Variants in GABRB1 observed in about 807,000 individuals in gnomAD.
GABRB1 encodes the protein gamma-aminobutyric acid type A receptor subunit beta1.
GABRB1 carries 17 observed loss-of-function variants against 51.6 expected under a neutral mutation model. The ratio of observed to expected loss-of-function variants is 0.33; its 90% CI spans 0.23 to 0.49. The LOEUF is 0.49. GABRB1 is among the 20% of genes least tolerant of loss of function. The probability of loss-of-function intolerance (pLI) is 0.99; values close to 1 mark genes in which losing one functional copy is unlikely to be tolerated. For synonymous variants in GABRB1, 247 were observed against 218.9 expected (o/e 1.13, Z -1.14); for missense variants, 410 against 600.6 (o/e 0.68, Z 3.32).
chr4:47,121,689 A>G (rs190786470), intron 3 of GABRB1, among the ~76,000 whole-genome samples: 1 of 152,310 alleles, frequency 6.6e-6, no homozygotes, highest in East Asian at 1.9e-4. Context: ...TCAATATGGG[A>G]AAGGAATCCA....
chr4:47,030,996 C>T (rs756369370), upstream of GABRB1, among the ~76,000 whole-genome samples: 14 of 152,124 alleles, frequency 9.2e-5, no homozygotes, highest in Non-Finnish European at 1.9e-4. Flanking sequence ...CCTACTCTGC[C>T]TCCTACAGAA....
intron 5 of GABRB1, among the ~76,000 whole-genome samples, chr4:47,365,872 G>C (rs1726963750): frequency 6.6e-6 from 1 of 152,066 alleles, no homozygotes; most frequent in Non-Finnish European, 1.5e-5. Context: ...GTGGTGACTG[G>C]CTCCCTAGCT....
intron 3 of GABRB1, among the ~76,000 whole-genome samples, chr4:47,110,633 T>C (rs1193603021): frequency 6.6e-6 from 1 of 152,174 alleles, no homozygotes; most frequent in Non-Finnish European, 1.5e-5. Context: ...AACATTTTTA[T>C]TCATGGTAAA....
chr4:47,149,925 A>T (rs990079781), intron 3 of GABRB1, among the ~76,000 whole-genome samples: 8 of 151,984 alleles, frequency 5.3e-5, no homozygotes, highest in Non-Finnish European at 1.2e-4. Context: ...ACAGATGCTC[A>T]ATGAGTTCGA....
chr4:47,053,285 A>G (rs990743640), intron 3 of GABRB1, among the ~76,000 whole-genome samples: 1 of 152,092 alleles, frequency 6.6e-6, no homozygotes, highest in East Asian at 1.9e-4. Context: ...ACAAAAATTT[A>G]TTTTTTTCAC....
chr4:47,390,332 C>G (rs1380094988), intron 5 of GABRB1, among the ~76,000 whole-genome samples: 1 of 152,156 alleles, frequency 6.6e-6, no homozygotes, highest in Admixed American at 6.5e-5. Flanking sequence ...TTATTTCTGC[C>G]CACCCATGGA....
chr4:47,404,518 C>CAA (rs1728503769), intron 7 of GABRB1, among the ~76,000 whole-genome samples: 1 of 139,138 alleles, frequency 7.2e-6, no homozygotes, highest in Non-Finnish European at 1.6e-5. Flanking sequence ...CACACACACA[C>CAA]ACACACACAC....
intron 3 of GABRB1, among the ~76,000 whole-genome samples, chr4:47,062,902 C>T (rs1726900630): frequency 6.6e-6 from 1 of 152,162 alleles, no homozygotes; most frequent in African/African-American, 2.4e-5. Flanking sequence ...AAAACCAAGC[C>T]ATACTATCCC....
At chr4:47,137,248 A>G (rs1028363987) in intron 3 of GABRB1, among the ~76,000 whole-genome samples, 3 of 152,044 alleles carry the variant, frequency 2.0e-5, no homozygotes, top group Admixed American at 1.3e-4. Flanking sequence ...TAGAAGAAGG[A>G]ACAGTAGGAA....
chr4:47,177,553 A>G (rs1560572678), intron 4 of GABRB1, among the ~76,000 whole-genome samples: 1 of 152,206 alleles, frequency 6.6e-6, no homozygotes, highest in Admixed American at 6.5e-5. Flanking sequence ...TGTTCACTCT[A>G]AAGAAATTTT....
chr4:47,315,514 G>A (rs1478856598), intron 4 of GABRB1, among the ~76,000 whole-genome samples: 7 of 151,936 alleles, frequency 4.6e-5, no homozygotes, highest in Non-Finnish European at 8.8e-5. Context: ...ATTTGACTCA[G>A]CAATTCCCTT....
chr4:47,366,751 A>T (rs1002409880), intron 5 of GABRB1, among the ~76,000 whole-genome samples: 2 of 152,108 alleles, frequency 1.3e-5, no homozygotes, highest in Non-Finnish European at 2.9e-5. Flanking sequence ...GACATTCGTA[A>T]TTTTCCTCCA....
At chr4:47,046,271 T>G (rs900769438) in intron 3 of GABRB1, among the ~76,000 whole-genome samples, 6 of 152,042 alleles carry the variant, frequency 3.9e-5, no homozygotes, top group Non-Finnish European at 8.8e-5. Flanking sequence ...ATACAGTGCT[T>G]CATATGTAAA....
At chr4:47,147,034 T>C (rs1275453552) in intron 3 of GABRB1, among the ~76,000 whole-genome samples, 2 of 151,978 alleles carry the variant, frequency 1.3e-5, no homozygotes, top group East Asian at 1.9e-4. Flanking sequence ...AACATATACC[T>C]ACCCTAGAGA....
chr4:47,218,287 G>A (rs1720633279), intron 4 of GABRB1, among the ~76,000 whole-genome samples: 1 of 151,832 alleles, frequency 6.6e-6, no homozygotes, highest in Admixed American at 6.6e-5. Flanking sequence ...GAACAGAACT[G>A]CAATGAACAT....
chr4:47,105,202 T>G (rs1714909967), intron 3 of GABRB1, among the ~76,000 whole-genome samples: 1 of 152,132 alleles, frequency 6.6e-6, no homozygotes, highest in Non-Finnish European at 1.5e-5. Context: ...ACCTCACATT[T>G]AGGCTGGGTG....
intron 8 of GABRB1, among the ~76,000 whole-genome samples, chr4:47,424,945 G>T (rs35293354): frequency 6.6e-6 from 1 of 152,020 alleles, no homozygotes; most frequent in South Asian, 2.1e-4. Context: ...ATAGCCAGGC[G>T]AATCCTTTGA....
At chr4:47,361,262 A>G (rs1171804062) in intron 5 of GABRB1, among the ~76,000 whole-genome samples, 1 of 152,144 alleles carries the variant, frequency 6.6e-6, no homozygotes, top group Non-Finnish European at 1.5e-5. Context: ...TCTTCTGGGG[A>G]CTTAAGGAAA....
chr4:47,425,377 C>CCACACACACACACACA (rs34275303), intron 8 of GABRB1, among the ~76,000 whole-genome samples: 1 of 138,328 alleles, frequency 7.2e-6, no homozygotes, highest in Non-Finnish European at 1.6e-5. Context: ...AGAAGAAATA[C>CCACACACACACACACA]CACACACACA....
Sources: gnomAD v4.1 joint callset for allele counts (sites outside exome capture counted in the v4.1 genomes callset) on GRCh38, gnomAD v4.1.1 for gene constraint, MANE v1.5 for transcripts, NCBI Gene and HGNC (gene_info 2026-07-23, HGNC 2026-07-21) for gene names.